Variants in SH3D19 observed in about 807,000 individuals in gnomAD.
The protein encoded by SH3D19 is SH3 domain containing 19, also known as SH3 domain-containing protein 19.
Under a neutral mutation model 112.1 loss-of-function variants are expected in SH3D19, and 58 were observed. The ratio of observed to expected loss-of-function variants is 0.52; its 90% CI spans 0.42 to 0.64. The LOEUF is 0.64. Among genes scored for constraint, SH3D19 ranks in the 30% least tolerant of loss-of-function variants. The pLI, the probability that SH3D19 is intolerant of heterozygous loss-of-function variation, is 0.00. For synonymous variants in SH3D19, 391 were observed against 448.5 expected, an observed-to-expected ratio of 0.87 and a Z score of 1.62; for missense variants, 1,090 against 1,263.4, an observed-to-expected ratio of 0.86 and a Z score of 2.08.
chr4:151,307,164 G>A (rs1284813955), intron 1 of SH3D19, among the ~76,000 whole-genome samples: 12 of 150,356 alleles, frequency 8.0e-5, no homozygotes, highest in African/African-American at 2.7e-4. Context: ...GACTACAGGC[G>A]CCCGCCACTA....
At chr4:151,139,882 C>G (rs760683102) in intron 12 of SH3D19, 35 bp from the exon 13 acceptor site, 18 of 1,600,214 alleles carry the variant, frequency 1.1e-5, no homozygotes, top group Non-Finnish European at 1.5e-5. Flanking sequence ...ATGAAGTGTG[C>G]AGGATAGATG....
chr4:151,144,099 A>C, intron 11 of SH3D19, 49 bp from the exon 12 acceptor site: 1 of 1,589,884 alleles, frequency 6.3e-7, no homozygotes, highest in Non-Finnish European at 8.6e-7. Context: ...TTAATAAAAC[A>C]TTATTACTTT....
chr4:151,288,984 A>G (rs767495247), intron 1 of SH3D19, among the ~76,000 whole-genome samples: 2 of 152,246 alleles, frequency 1.3e-5, no homozygotes, highest in Non-Finnish European at 2.9e-5. Flanking sequence ...CATTTTTCAT[A>G]TTTCAAAACT....
intron 1 of SH3D19, among the ~76,000 whole-genome samples, chr4:151,274,331 T>C (rs1165893399): frequency 6.6e-6 from 1 of 152,206 alleles, no homozygotes; most frequent in Non-Finnish European, 1.5e-5. Flanking sequence ...ATAGCAAACC[T>C]GGCATCTGCC....
chr4:151,222,655 G>C (rs1768259029), intron 2 of SH3D19, among the ~76,000 whole-genome samples: 1 of 92,996 alleles, frequency 1.1e-5, no homozygotes, highest in Admixed American at 1.5e-4. Flanking sequence ...TATCTCTTTG[G>C]TCTCTCTCTC....
At chr4:151,245,166 T>TAA (rs775459245) in intron 1 of SH3D19, among the ~76,000 whole-genome samples, 12 of 146,440 alleles carry the variant, frequency 8.2e-5, no homozygotes, top group Non-Finnish European at 7.7e-5. Context: ...TAAAATAAAA[T>TAA]AATAATAATA....
At chr4:151,226,431 A>T in intron 1 of SH3D19, 1 of 1,005,442 alleles carries the variant, frequency 9.9e-7, no homozygotes, top group Non-Finnish European at 1.2e-6. Context: ...AAAGCCACAG[A>T]TTACTCAGCT....
At chr4:151,207,613 C>T (rs1339707714) in intron 2 of SH3D19, among the ~76,000 whole-genome samples, 1 of 152,192 alleles carries the variant, frequency 6.6e-6, no homozygotes, top group Admixed American at 6.5e-5. Flanking sequence ...TGGGACTACT[C>T]AACAGTTCCT....
intron 8 of SH3D19, among the ~76,000 whole-genome samples, chr4:151,162,276 C>T (rs1757293079): frequency 6.6e-6 from 1 of 152,044 alleles, no homozygotes; most frequent in Non-Finnish European, 1.5e-5. Flanking sequence ...TGTTAGCATG[C>T]TGAGAATGAT....
At chr4:151,175,837 G>A (rs1644458921) in intron 6 of SH3D19, 163 bp from the exon 7 acceptor site, 1 of 602,922 alleles carries the variant, frequency 1.7e-6, no homozygotes, top group African/African-American at 1.9e-5. Context: ...AAATGGAAAT[G>A]TTTATTCTGT....
intron 11 of SH3D19, among the ~76,000 whole-genome samples, chr4:151,146,714 G>C (rs1261524224): frequency 2.0e-5 from 3 of 152,036 alleles, no homozygotes; most frequent in Non-Finnish European, 2.9e-5. Flanking sequence ...TGTATTTTTA[G>C]TAGAGACAGA....
intron 1 of SH3D19, among the ~76,000 whole-genome samples, chr4:151,270,396 C>T (rs1190603361): frequency 2.6e-5 from 4 of 152,132 alleles, no homozygotes; most frequent in African/African-American, 9.7e-5. Flanking sequence ...ATGTGATGTG[C>T]CTGCTCACCC....
chr4:151,240,389 C>T (rs1324008691), intron 1 of SH3D19, among the ~76,000 whole-genome samples: 3 of 150,842 alleles, frequency 2.0e-5, no homozygotes, highest in Admixed American at 6.6e-5. Context: ...CCAGCCTGAG[C>T]GACAAAGCAA....
intron 1 of SH3D19, among the ~76,000 whole-genome samples, chr4:151,295,196 G>A (rs1775615741): frequency 6.6e-6 from 1 of 152,196 alleles, no homozygotes; most frequent in Admixed American, 6.5e-5. Context: ...GAGAGCAAGG[G>A]AATGATGAAA....
rs1486915416 is a variant in SH3D19 at position 151,255,387 on chromosome 4, C to T, written c.113-29301G>A. On this transcript the variant is annotated intron_variant, in intron 1 of 19. Transcript: ENST00000604030. ...GCAGAGGTGCTCCTCACATCCCAGA[C>T]GGGGCAGCGGGGCAGAGGCACTCCC... Among the ~76,000 whole-genome samples, 60 of 148,104 alleles carry T rather than the reference C, an allele frequency of 4.1e-4. 1 individual carries two copies. Among genetic ancestry groups the T allele is most frequent in the South Asian group, 2.2e-4 (1 of 4,626 alleles).
At chr4:151,273,589 C>CAAAAAAAAAAAAAAAAA (rs60600816) in intron 1 of SH3D19, among the ~76,000 whole-genome samples, 1 of 64,646 alleles carries the variant, frequency 1.5e-5, no homozygotes, top group Non-Finnish European at 2.5e-5. Flanking sequence ...GACTCCATCT[C>CAAAAAAAAAAAAAAAAA]AAAAAAAAAA....
intron 1 of SH3D19, chr4:151,283,147 C>T (rs376656846): frequency 6.2e-7 from 1 of 1,613,728 alleles, no homozygotes; most frequent in African/African-American, 1.3e-5. Flanking sequence ...CTTCAGGAAG[C>T]AGAAGTACCC....
At chr4:151,155,347 AC>A (rs1561245718) in intron 9 of SH3D19, among the ~76,000 whole-genome samples, 1 of 152,212 alleles carries the variant, frequency 6.6e-6, no homozygotes, top group East Asian at 1.9e-4. Context: ...ACAAGTGATC[AC>A]TAAATTTTAA....
intron 2 of SH3D19, among the ~76,000 whole-genome samples, chr4:151,208,172 G>A (rs1056726210): frequency 1.3e-5 from 2 of 152,106 alleles, no homozygotes; most frequent in African/African-American, 4.8e-5. Context: ...ATCTGTGTGG[G>A]CCTGATTTAA....
Sources: gnomAD v4.1 joint callset for allele counts (sites outside exome capture counted in the v4.1 genomes callset) on GRCh38, gnomAD v4.1.1 for gene constraint, MANE v1.5 for transcripts, NCBI Gene and HGNC (gene_info 2026-07-23, HGNC 2026-07-21) for gene names.